Variants in GBF1 observed in about 807,000 individuals in gnomAD.
GBF1 encodes the protein golgi brefeldin A resistant guanine nucleotide exchange factor 1.
GBF1 carries 114 observed loss-of-function variants against 210.5 expected under a neutral mutation model. That is an observed-to-expected ratio of 0.54 (90% CI 0.47 to 0.63). GBF1 has a LOEUF of 0.63. Among genes scored for constraint, GBF1 ranks in the 30% least tolerant of loss-of-function variants. GBF1 has a pLI of 0.00. For synonymous variants in GBF1, 850 were observed against 889.2 expected (o/e 0.96, Z 0.78); for missense variants, 1,851 against 2,357.7 (o/e 0.79, Z 4.45).
chr10:102,255,719 T>C (rs1020051674), intron 1 of GBF1, among the ~76,000 whole-genome samples: 1 of 152,218 alleles, frequency 6.6e-6, no homozygotes, highest in African/African-American at 2.4e-5. Flanking sequence ...CTTTAAATCA[T>C]TTTTGAATAT....
intron 3 of GBF1, among the ~76,000 whole-genome samples, chr10:102,270,745 G>A (rs988474248): frequency 7.9e-5 from 12 of 152,074 alleles, no homozygotes; most frequent in Admixed American, 2.0e-4. Flanking sequence ...TTAATATCCA[G>A]TTCATATTAA....
rs148971557 is a variant in GBF1 at position 102,346,545 on chromosome 10, G to T, written c.295+2363G>T. 4.1e-3 allele frequency among the ~76,000 whole-genome samples: 623 copies of T among 152,256 alleles called. 3 individuals are homozygous for T. Among genetic ancestry groups the T allele is most frequent in the African/African-American group, 0.014 (589 of 41,538 alleles). On this transcript the variant is annotated intron_variant, in intron 4 of 39. Transcript: ENST00000369983. ...ATTTTTTGAGACAGGGTCTTGCTCT[G>T]TCACCCAGACTGGAGTGCAGTGGCA...
chr10:102,278,394 CT>C (rs1169269266), intron 3 of GBF1, among the ~76,000 whole-genome samples: 1 of 152,062 alleles, frequency 6.6e-6, no homozygotes, highest in Non-Finnish European at 1.5e-5. Flanking sequence ...GTCCTCCTGC[CT>C]TGGTCTTCCA....
At chr10:102,343,051 T>C (rs1168022540) in intron 3 of GBF1, among the ~76,000 whole-genome samples, 5 of 152,194 alleles carry the variant, frequency 3.3e-5, no homozygotes, top group Admixed American at 3.3e-4. Context: ...ATCTGTAAAA[T>C]AAAGATTATC....
chr10:102,375,325 C>T (rs368596945), intron 29 of GBF1, 34 bp from the exon 30 acceptor site: 41 of 1,272,440 alleles, frequency 3.2e-5, no homozygotes, highest in East Asian at 1.4e-4. Flanking sequence ...CACAGCTCCC[C>T]GCTTCCCCGC....
At position 102,363,300 on chromosome 10, in the gene GBF1, G is replaced by A; in HGVS notation, c.1921G>A (p.Asp641Asn). The A allele has an allele frequency of 6.2e-7, 1 of 1,613,870 alleles. No homozygotes were observed. Among genetic ancestry groups the A allele is most frequent in the Non-Finnish European group, 8.5e-7 (1 of 1,179,838 alleles). The change falls in exon 16 of 40, where the codon GAC (aspartate) becomes AAC (asparagine). Residue 641 changes from aspartate (D) to asparagine (N), a missense_variant. Physicochemically the swap from Asp to Asn is conservative, Grantham distance 23. Coordinates refer to ENST00000369983, the MANE Select transcript of GBF1 (RefSeq NM_001377137.1). The surrounding 1 kb of genome is among the most constrained non-coding windows in gnomAD (Gnocchi z 4.2). ...SDGKAVGMASDIPGLHLPGGG... is the reference protein window; with the variant it reads ...SDGKAVGMASNIPGLHLPGGG... ...TGGGAAAGCTGTAGGCATGGCCTCA[G>A]ACATCCCAGGCCTGCATCTGCCAGG...
intron 3 of GBF1, among the ~76,000 whole-genome samples, chr10:102,313,092 C>T (rs1008059198): frequency 4.6e-5 from 7 of 152,058 alleles, no homozygotes; most frequent in Non-Finnish European, 8.8e-5. Flanking sequence ...AATGGGAACT[C>T]CAGAGGCCTA....
intron 3 of GBF1, among the ~76,000 whole-genome samples, chr10:102,319,381 A>AG (rs1035712412): frequency 6.6e-5 from 10 of 152,092 alleles, no homozygotes; most frequent in African/African-American, 2.4e-4. Flanking sequence ...CTCTAAAAAA[A>AG]AAGATCTTTA....
At chr10:102,377,335 ATTTT>A in intron 33 of GBF1, among the ~76,000 whole-genome samples, 195 bp downstream of exon 33, 1 of 69,956 alleles carries the variant, frequency 1.4e-5, no homozygotes, top group South Asian at 7.4e-4. Context: ...TTATTTATTT[ATTTT>A]TATTTTTATT....
intron 33 of GBF1, 43 bp downstream of exon 33, chr10:102,377,183 A>C (rs201640116): frequency 6.6e-7 from 1 of 1,518,980 alleles, no homozygotes; most frequent in African/African-American, 1.4e-5. Context: ...CCTGCACCTG[A>C]TACTGGGAGC....
intron 20 of GBF1, 94 bp from the exon 21 acceptor site, chr10:102,367,384 T>G (rs2059972867): frequency 1.8e-6 from 2 of 1,140,552 alleles, no homozygotes; most frequent in Non-Finnish European, 2.7e-6. Flanking sequence ...TTCGCTTACC[T>G]TTTCCTAAGT....
At chr10:102,314,881 A>G (rs545236035) in intron 3 of GBF1, among the ~76,000 whole-genome samples, 1 of 151,978 alleles carries the variant, frequency 6.6e-6, no homozygotes, top group African/African-American at 2.4e-5. Flanking sequence ...CATTTGTGAA[A>G]CCTCTCATTA....
At chr10:102,360,927 A>T in intron 12 of GBF1, 95 bp from the exon 13 acceptor site, 1 of 711,394 alleles carries the variant, frequency 1.4e-6, no homozygotes, top group South Asian at 1.5e-5. Context: ...GTGAGCTGAG[A>T]TTGCGCCACT....
the GBF1 span, chr10:102,230,857 G>T: frequency 1.3e-6 from 2 of 1,598,608 alleles, no homozygotes; most frequent in East Asian, 2.3e-5. Context: ...GCTGGGTGGC[G>T]AGAAGACGGG....
intron 3 of GBF1, among the ~76,000 whole-genome samples, chr10:102,278,860 G>T (rs1216452257): frequency 7.9e-5 from 12 of 152,162 alleles, no homozygotes; most frequent in Non-Finnish European, 4.4e-5. Flanking sequence ...CTGTTCATTG[G>T]TGATACTAAT....
intron 3 of GBF1, among the ~76,000 whole-genome samples, chr10:102,338,061 T>C (rs1463168544): frequency 6.6e-6 from 1 of 152,024 alleles, no homozygotes; most frequent in Non-Finnish European, 1.5e-5. Flanking sequence ...TATATCATGA[T>C]TCTCTTTTTT....
intron 3 of GBF1, among the ~76,000 whole-genome samples, chr10:102,305,481 G>A (rs952937579): frequency 2.0e-5 from 3 of 151,876 alleles, no homozygotes; most frequent in East Asian, 3.9e-4. Context: ...ATGATGGCAC[G>A]TGCCTGTAGT....
chr10:102,300,018 A>G (rs1431472015), intron 3 of GBF1, among the ~76,000 whole-genome samples: 3 of 152,092 alleles, frequency 2.0e-5, no homozygotes. Flanking sequence ...AAAATGAGTA[A>G]CTGTTGAGTC....
At chr10:102,344,748 G>A (rs981232686) in intron 4 of GBF1, among the ~76,000 whole-genome samples, 4 of 152,070 alleles carry the variant, frequency 2.6e-5, no homozygotes, top group Non-Finnish European at 5.9e-5. Flanking sequence ...CCAAAGTGCT[G>A]GGATTACAGG....
Sources: allele counts gnomAD v4.1 joint callset (sites outside exome capture counted in the v4.1 genomes callset), GRCh38; gene constraint gnomAD v4.1.1; non-coding constraint Gnocchi (gnomAD v3.1); transcripts MANE v1.5; gene names NCBI Gene and HGNC (gene_info 2026-07-23, HGNC 2026-07-21).